Variants in KCNT2 observed in about 807,000 individuals in gnomAD.
KCNT2 encodes potassium sodium-activated channel subfamily T member 2.
A neutral mutation model predicts 153.8 loss-of-function variants in KCNT2; 67 were observed. The observed-to-expected ratio is 0.44, with a 90% CI of 0.36 to 0.53. The LOEUF (loss-of-function observed/expected upper bound fraction) is 0.53. Among genes scored for constraint, KCNT2 ranks in the 20% least tolerant of loss-of-function variants. KCNT2 has a pLI of 0.00. For missense variants in KCNT2, 975 were observed against 1,354.8 expected (o/e 0.72, Z 4.40); for synonymous variants, 500 against 458.8 (o/e 1.09, Z -1.15).
chr1:196,346,370 C>T (rs973221285), intron 14 of KCNT2, among the ~76,000 whole-genome samples: 1 of 152,046 alleles, frequency 6.6e-6, no homozygotes, highest in African/African-American at 2.4e-5. Context: ...TGAATATCCA[C>T]CCAGTTACTC....
At chr1:196,383,092 A>G (rs1669646612) in intron 13 of KCNT2, among the ~76,000 whole-genome samples, 1 of 152,180 alleles carries the variant, frequency 6.6e-6, no homozygotes, top group South Asian at 2.1e-4. Context: ...TTCCTTAGAG[A>G]GGGAAAAAGA....
At chr1:196,247,237 A>G (rs1655536330) in intron 26 of KCNT2, among the ~76,000 whole-genome samples, 1 of 152,196 alleles carries the variant, frequency 6.6e-6, no homozygotes, top group Non-Finnish European at 1.5e-5. Flanking sequence ...GGATGTAACA[A>G]TTGAAAATAT....
In KCNT2 at chr1:196,335,872, C is replaced by G. The variant is rs138901532; in HGVS notation, c.1784-1812G>C. Among the ~76,000 whole-genome samples, 537 of 152,272 alleles carry G rather than the reference C, an allele frequency of 3.5e-3. 7 individuals are homozygous for G. Among genetic ancestry groups the G allele is most frequent in the African/African-American group, 0.012 (506 of 41,564 alleles). On this transcript the variant is annotated intron_variant, in intron 16 of 27. Transcript: ENST00000294725. ...TTACCATGCTGGAACTTCAATTCTA[C>G]TGATGATACCAGAGTTTGTCTCTCT...
chr1:196,549,932 A>G (rs1657666928), intron 1 of KCNT2, among the ~76,000 whole-genome samples: 1 of 151,900 alleles, frequency 6.6e-6, no homozygotes, highest in Non-Finnish European at 1.5e-5. Context: ...AGGCTGAGAA[A>G]GAAACAGAGG....
chr1:196,250,683 A>G (rs1655884799), intron 26 of KCNT2, among the ~76,000 whole-genome samples: 1 of 152,172 alleles, frequency 6.6e-6, no homozygotes, highest in African/African-American at 2.4e-5. Context: ...AAGTGAAGTT[A>G]CAACCCACAA....
intron 25 of KCNT2, chr1:196,273,513 AAC>A (rs1658267035): frequency 1.3e-6 from 2 of 1,513,638 alleles, no homozygotes; most frequent in Non-Finnish European, 1.8e-6. Context: ...GGGAAAAAGA[AAC>A]ACACAAAACA....
At chr1:196,455,969 G>T (rs1019457933) in intron 8 of KCNT2, among the ~76,000 whole-genome samples, 3 of 152,004 alleles carry the variant, frequency 2.0e-5, no homozygotes, top group Non-Finnish European at 4.4e-5. Flanking sequence ...CACTCCAGCC[G>T]ATGTCCACCT....
chr1:196,229,737 G>T (rs1397087553), intron 27 of KCNT2, among the ~76,000 whole-genome samples: 1 of 152,064 alleles, frequency 6.6e-6, no homozygotes, highest in African/African-American at 2.4e-5. Flanking sequence ...AAAGGAAACA[G>T]CCTTATTGCT....
rs1259238404 is a variant in KCNT2, at chr1:196,282,303, G to T, written c.2751C>A (p.Asp917Glu). The T allele has an allele frequency of 2.5e-6, 4 of 1,601,134 alleles. No individual in the cohort carries two copies. Among genetic ancestry groups the T allele is most frequent in the Non-Finnish European group, 2.6e-6 (3 of 1,169,118 alleles). The part of the protein sequence containing the change: ...ISITRLLLGL[D>E]TTPGSGFLCS... ...AAAGAAACCCAGATCCTGGTGTAGT[G>T]TCCAGTCCCAACAGAAGTCTCGTGA... Residue 917 changes from aspartate (D) to glutamate (E), a missense_variant, in exon 24 of 28, where the codon GAC (aspartate) becomes GAA (glutamate). Physicochemically the swap from Asp to Glu is conservative, Grantham distance 45 (BLOSUM62 2). Coordinates refer to ENST00000294725, the MANE Select transcript of KCNT2 (RefSeq NM_198503.5).
intron 14 of KCNT2, 166 bp from the exon 15 acceptor site, chr1:196,342,394 C>T (rs995128258): frequency 6.6e-6 from 2 of 304,874 alleles, no homozygotes; most frequent in African/African-American, 2.5e-5. Flanking sequence ...ACATTATATG[C>T]AAGAGTTTCT....
intron 19 of KCNT2, among the ~76,000 whole-genome samples, chr1:196,325,422 G>A (rs943513548): frequency 1.3e-5 from 2 of 152,062 alleles, no homozygotes; most frequent in African/African-American, 4.8e-5. Context: ...AGCAAAAGAA[G>A]CCAAAAGCTG....
At chr1:196,318,699 C>T (rs1014635973) in intron 20 of KCNT2, among the ~76,000 whole-genome samples, 1 of 151,644 alleles carries the variant, frequency 6.6e-6, no homozygotes, top group African/African-American at 2.4e-5. Flanking sequence ...AGAATGGAGG[C>T]TAATCATATT....
intron 1 of KCNT2, among the ~76,000 whole-genome samples, chr1:196,510,594 T>A (rs1681534840): frequency 6.6e-6 from 1 of 152,234 alleles, no homozygotes; most frequent in Admixed American, 6.5e-5. Context: ...TGGTTAACAA[T>A]TTAAGTTTCA....
At chr1:196,530,136 G>A (rs1038471564) in intron 1 of KCNT2, among the ~76,000 whole-genome samples, 2 of 151,736 alleles carry the variant, frequency 1.3e-5, no homozygotes, top group African/African-American at 4.8e-5. Context: ...GGCCATAACA[G>A]GAATGGCAGA....
At chr1:196,541,695 T>C (rs1656393479) in intron 1 of KCNT2, among the ~76,000 whole-genome samples, 1 of 152,188 alleles carries the variant, frequency 6.6e-6, no homozygotes, top group Non-Finnish European at 1.5e-5. Flanking sequence ...ATTCTACTAA[T>C]GTGTTACACT....
intron 1 of KCNT2, among the ~76,000 whole-genome samples, chr1:196,527,861 TG>T (rs1278885562): frequency 1.3e-5 from 2 of 152,200 alleles, no homozygotes; most frequent in Non-Finnish European, 2.9e-5. Flanking sequence ...GGTCTGGTCT[TG>T]TATCATGGCT....
intron 12 of KCNT2, among the ~76,000 whole-genome samples, chr1:196,409,328 T>C (rs1672095041): frequency 6.6e-6 from 1 of 151,484 alleles, no homozygotes; most frequent in African/African-American, 2.4e-5. Context: ...TCAAAATCTT[T>C]ATTAACGGCC....
chr1:196,465,241 G>T, intron 8 of KCNT2, 52 bp downstream of exon 8: 1 of 972,168 alleles, frequency 1.0e-6, no homozygotes, highest in Admixed American at 2.2e-5. Context: ...GTTTCCTTTA[G>T]AAATTATAAT....
At chr1:196,498,702 T>C (rs569653251) in intron 1 of KCNT2, among the ~76,000 whole-genome samples, 79 of 152,334 alleles carry the variant, frequency 5.2e-4, no homozygotes, top group Non-Finnish European at 9.6e-4. Context: ...TGCTTCTAGA[T>C]TGTGGCATCC....
Sources: gnomAD v4.1 joint callset for allele counts (sites outside exome capture counted in the v4.1 genomes callset) on GRCh38, gnomAD v4.1.1 for gene constraint, MANE v1.5 for transcripts, NCBI Gene and HGNC (gene_info 2026-07-23, HGNC 2026-07-21) for gene names.